Variants in KIFAP3 observed in about 807,000 individuals in gnomAD.
The protein encoded by KIFAP3 is kinesin-associated protein 3.
KIFAP3 carries 68 observed loss-of-function variants against 106.5 expected under a neutral mutation model. The ratio of observed to expected loss-of-function variants is 0.64; its 90% CI spans 0.53 to 0.78. The LOEUF (loss-of-function observed/expected upper bound fraction) is 0.78, where lower values mean the gene tolerates loss of function less well. Ranked by LOEUF, KIFAP3 falls within the 30% of genes least tolerant of loss-of-function variation. KIFAP3 has a pLI of 0.00. For missense variants in KIFAP3, 780 were observed against 941.8 expected (o/e 0.83, Z 2.25); for synonymous variants, 320 against 311.5 (o/e 1.03, Z -0.29).
intron 19 of KIFAP3, among the ~76,000 whole-genome samples, chr1:169,937,815 T>C (rs1410763355): frequency 1.3e-5 from 2 of 151,844 alleles, no homozygotes; most frequent in African/African-American, 4.8e-5. Flanking sequence ...TGTTTAAACA[T>C]GGAGCCATTC....
chr1:170,014,138 CAT>C (rs1310659712), intron 10 of KIFAP3, among the ~76,000 whole-genome samples: 1 of 152,174 alleles, frequency 6.6e-6, no homozygotes, highest in Non-Finnish European at 1.5e-5. Flanking sequence ...CTACTGATCT[CAT>C]CTTCAGACTC....
intron 1 of KIFAP3, among the ~76,000 whole-genome samples, chr1:170,066,552 GAGAAAA>G (rs1671455620): frequency 1.3e-5 from 2 of 152,084 alleles, no homozygotes; most frequent in Admixed American, 1.3e-4. Flanking sequence ...CAAGATCCAG[GAGAAAA>G]AGAAAATGAA....
At chr1:170,042,876 T>C (rs949425414) in intron 3 of KIFAP3, among the ~76,000 whole-genome samples, 6 of 152,220 alleles carry the variant, frequency 3.9e-5, no homozygotes, top group Admixed American at 3.3e-4. Context: ...ACATCTGAGC[T>C]TTCTCTAGCC....
At chr1:170,028,359 G>A (rs1669228658) in intron 8 of KIFAP3, among the ~76,000 whole-genome samples, 1 of 151,804 alleles carries the variant, frequency 6.6e-6, no homozygotes, top group South Asian at 2.1e-4. Context: ...TTTTTTCTGA[G>A]ACGGAGTCTC....
At chr1:169,972,425 T>C (rs1454447844) in intron 17 of KIFAP3, 88 bp downstream of exon 17, 3 of 690,286 alleles carry the variant, frequency 4.3e-6, no homozygotes, top group Non-Finnish European at 5.1e-6. Context: ...GGGTTTACAC[T>C]GAATGCATTG....
chr1:169,964,609 C>T (rs1306987173), intron 17 of KIFAP3, among the ~76,000 whole-genome samples: 1 of 152,092 alleles, frequency 6.6e-6, no homozygotes, highest in African/African-American at 2.4e-5. Flanking sequence ...CTATCGTATT[C>T]TCAATCATGC....
chr1:170,070,295 C>T (rs1042213181), intron 1 of KIFAP3, among the ~76,000 whole-genome samples: 1 of 151,906 alleles, frequency 6.6e-6, no homozygotes, highest in African/African-American at 2.4e-5. Flanking sequence ...AATGAAAAAG[C>T]CAACCCTAAA....
intron 5 of KIFAP3, among the ~76,000 whole-genome samples, chr1:170,037,686 GAAGGTTGCAGTGAGCCA>G (rs1277156249): frequency 9.2e-5 from 14 of 152,226 alleles, no homozygotes; most frequent in Admixed American, 5.2e-4. Context: ...GCAGTGAGCT[GAAGGTTGCAGTGAGCCA>G]AAGGTTGCAG....
intron 4 of KIFAP3, 81 bp downstream of exon 4, chr1:170,039,152 G>A (rs1669840030): frequency 2.8e-6 from 2 of 725,214 alleles, no homozygotes; most frequent in Non-Finnish European, 4.6e-6. Flanking sequence ...TGTGCTTAAT[G>A]TGATTGTGTG....
At chr1:169,974,622 T>C (rs954931177) in intron 16 of KIFAP3, among the ~76,000 whole-genome samples, 1 of 151,910 alleles carries the variant, frequency 6.6e-6, no homozygotes, top group South Asian at 2.1e-4. Context: ...GTAAAAAATA[T>C]GTATTGACTG....
chr1:170,057,837 T>C (rs1006845744), intron 1 of KIFAP3, among the ~76,000 whole-genome samples: 10 of 152,164 alleles, frequency 6.6e-5, no homozygotes, highest in South Asian at 6.2e-4. Context: ...TGATATTAAA[T>C]TGATATCTTT....
At chr1:170,031,260 A>G (rs1181437722) in intron 8 of KIFAP3, among the ~76,000 whole-genome samples, 2 of 151,750 alleles carry the variant, frequency 1.3e-5, no homozygotes, top group African/African-American at 4.8e-5. Flanking sequence ...ATTGCTACTA[A>G]TCTTCACAGG....
chr1:170,041,569 T>C, intron 3 of KIFAP3: 1 of 757,828 alleles, frequency 1.3e-6, no homozygotes, highest in Non-Finnish European at 2.1e-6. Flanking sequence ...TGTGGCTCGG[T>C]GACCTCTTAG....
At chr1:169,998,381 GATATATAT>G (rs67634163) in intron 10 of KIFAP3, among the ~76,000 whole-genome samples, 40,270 of 136,758 alleles carry the variant, frequency 0.29, 5,987 homozygotes, top group Non-Finnish European at 0.33. Context: ...TGCTTCACCA[GATATATAT>G]ATATATATAT....
intron 1 of KIFAP3, among the ~76,000 whole-genome samples, chr1:170,070,800 A>C (rs1407282778): frequency 1.3e-5 from 2 of 152,238 alleles, no homozygotes; most frequent in African/African-American, 4.8e-5. Context: ...CATGAGCAAC[A>C]AAAGAATAAA....
chr1:170,035,556 A>G lies in KIFAP3; in HGVS notation c.518-3T>C, dbSNP rs749924163. Reference sequence around the variant, plus strand: ...TGCTAATGCACCAAGGGCAGTTTCTAAAGAAAAAGGAGAGGTACCGAAACG... The same window carrying G: ...TGCTAATGCACCAAGGGCAGTTTCTGAAGAAAAAGGAGAGGTACCGAAACG... On this transcript the variant is annotated splice_polypyrimidine_tract_variant and splice_region_variant and intron_variant, in intron 5 of 19. Transcript: ENST00000361580. 8.2e-6 allele frequency: 13 copies of G among 1,586,032 alleles called. No homozygotes were observed. Among genetic ancestry groups the G allele is most frequent in the Non-Finnish European group, 1.1e-5 (13 of 1,163,442 alleles).
intron 10 of KIFAP3, among the ~76,000 whole-genome samples, chr1:169,996,037 A>G (rs1667358420): frequency 6.6e-6 from 1 of 152,216 alleles, no homozygotes; most frequent in South Asian, 2.1e-4. Context: ...AATAATATAG[A>G]TAAGAAGCAG....
At chr1:169,992,007 T>C (rs1234328467) in intron 11 of KIFAP3, 148 bp downstream of exon 11, 10 of 405,674 alleles carry the variant, frequency 2.5e-5, no homozygotes, top group Non-Finnish European at 4.0e-5. Context: ...TTTATACAGT[T>C]CTGTACTTCC....
chr1:170,051,895 A>G (rs1198527705), intron 2 of KIFAP3, among the ~76,000 whole-genome samples: 1 of 152,200 alleles, frequency 6.6e-6, no homozygotes, highest in Non-Finnish European at 1.5e-5. Context: ...GAAAGGTGGA[A>G]AGATCTGAAA....
Sources: allele counts gnomAD v4.1 joint callset (sites outside exome capture counted in the v4.1 genomes callset), GRCh38; gene constraint gnomAD v4.1.1; transcripts MANE v1.5; gene names NCBI Gene and HGNC (gene_info 2026-07-23, HGNC 2026-07-21).